The following WASHC3 variants were observed in gnomAD, a reference collection of about 807,000 sequenced individuals.
WASHC3 encodes the protein WASH complex subunit CCDC53.
WASHC3 carries 24 observed loss-of-function variants against 26.1 expected under a neutral mutation model. That is an observed-to-expected ratio of 0.92 (90% CI 0.66 to 1.29). The LOEUF is 1.29. WASHC3 is among the 50% of genes most tolerant of loss of function. WASHC3 has a pLI of 0.00. For missense variants in WASHC3, 214 were observed against 229.6 expected (o/e 0.93, Z 0.44); for synonymous variants, 77 against 75.7 (o/e 1.02, Z -0.09).
At chr12:102,040,038 C>G in intron 4 of WASHC3, 60 bp from the exon 5 acceptor site, 1 of 642,590 alleles carries the variant, frequency 1.6e-6, no homozygotes, top group Non-Finnish European at 2.7e-6. Context: ...TATCATGTTA[C>G]TTAAAAGGAA....
intron 6 of WASHC3, 35 bp downstream of exon 6, chr12:102,025,939 G>A: frequency 2.0e-6 from 2 of 996,190 alleles, no homozygotes; most frequent in South Asian, 1.5e-5. Flanking sequence ...TCAATGTCCT[G>A]GCAATAATAT....
intron 6 of WASHC3, among the ~76,000 whole-genome samples, chr12:102,021,303 C>G (rs1004923871): frequency 6.6e-6 from 1 of 152,084 alleles, no homozygotes; most frequent in Non-Finnish European, 1.5e-5. Flanking sequence ...TAGGTAGACT[C>G]CTGCAACCAG....
intron 6 of WASHC3, among the ~76,000 whole-genome samples, chr12:102,013,712 G>C (rs1041458633): frequency 2.0e-4 from 30 of 152,168 alleles, no homozygotes; most frequent in African/African-American, 5.6e-4. Context: ...GTCGAAGAAG[G>C]TTCTTAATGT....
chr12:102,049,129 G>T (rs1454793935), intron 2 of WASHC3, among the ~76,000 whole-genome samples: 1 of 152,172 alleles, frequency 6.6e-6, no homozygotes, highest in Admixed American at 6.5e-5. Context: ...ATTGACATTT[G>T]TGGGTGAAAT....
chr12:102,056,879 A>G (rs1878613595), intron 2 of WASHC3, among the ~76,000 whole-genome samples: 1 of 152,210 alleles, frequency 6.6e-6, no homozygotes, highest in African/African-American at 2.4e-5. Flanking sequence ...CTCTTCCAAA[A>G]TACTGAAGAG....
intron 5 of WASHC3, among the ~76,000 whole-genome samples, chr12:102,026,554 C>T (rs1003769012): frequency 9.2e-5 from 14 of 152,164 alleles, no homozygotes; most frequent in African/African-American, 3.1e-4. Flanking sequence ...GACTATATTA[C>T]ACATCTTCCC....
At chr12:102,041,184 T>C (rs181192218) in intron 4 of WASHC3, among the ~76,000 whole-genome samples, 1 of 151,850 alleles carries the variant, frequency 6.6e-6, no homozygotes, top group East Asian at 1.9e-4. Flanking sequence ...ACACTGTTAA[T>C]TAAATAAAAA....
chr12:102,033,751 T>C (rs1396127849), intron 5 of WASHC3, among the ~76,000 whole-genome samples: 1 of 151,948 alleles, frequency 6.6e-6, no homozygotes, highest in African/African-American at 2.4e-5. Context: ...AGAGTTTTTT[T>C]TTTTGAGACT....
chr12:102,021,376 AC>A (rs1876951376), intron 6 of WASHC3, among the ~76,000 whole-genome samples: 1 of 152,176 alleles, frequency 6.6e-6, no homozygotes, highest in African/African-American at 2.4e-5. Context: ...GGTAGGATGG[AC>A]TTTTGCTCTT....
At chr12:102,030,349 C>T (rs1157235180) in intron 5 of WASHC3, among the ~76,000 whole-genome samples, 1 of 149,256 alleles carries the variant, frequency 6.7e-6, no homozygotes, top group African/African-American at 2.5e-5. Flanking sequence ...GTAGGATGTA[C>T]ATTTAGGATG....
Position 102,044,108 on chromosome 12 carries a change from TG to T in WASHC3, c.320del (p.Pro107HisfsTer22). The T allele has an allele frequency of 6.4e-7, 1 of 1,567,738 alleles. No individual in the cohort carries two copies. Among genetic ancestry groups the T allele is most frequent in the South Asian group, 1.1e-5 (1 of 87,958 alleles). ...GAHPEATSEQ[P>X]QQNSTQDSGL... ...TCGTTTCTTAGAACTCACTTACCTG[TG>T]GTTGCTCTGAAGTGGCTTCAGGATG... On this transcript the variant is annotated frameshift_variant, in exon 4 of 7. Coordinates refer to ENST00000240079, the MANE Select transcript of WASHC3 (RefSeq NM_016053.4). LOFTEE classifies it high-confidence loss of function.
At chr12:102,027,339 T>C (rs907452030) in intron 5 of WASHC3, among the ~76,000 whole-genome samples, 3 of 152,164 alleles carry the variant, frequency 2.0e-5, no homozygotes, top group African/African-American at 7.2e-5. Context: ...AGTATATGCT[T>C]GTCCAGATAT....
At chr12:102,020,059 G>C (rs1015910252) in intron 6 of WASHC3, among the ~76,000 whole-genome samples, 5 of 152,226 alleles carry the variant, frequency 3.3e-5, no homozygotes, top group African/African-American at 9.7e-5. Context: ...CCCTTGGAGA[G>C]AGAGAGAGAT....
intron 6 of WASHC3, among the ~76,000 whole-genome samples, chr12:102,021,107 CA>C (rs1876938871): frequency 6.6e-6 from 1 of 151,764 alleles, no homozygotes; most frequent in Non-Finnish European, 1.5e-5. Flanking sequence ...AAAACAAAAA[CA>C]AAAAACAAAC....
chr12:102,034,801 TGTGTGTGTGTGTGTGA>T (rs1278151906), intron 5 of WASHC3, among the ~76,000 whole-genome samples: 1 of 151,722 alleles, frequency 6.6e-6, no homozygotes, highest in Non-Finnish European at 1.5e-5. Flanking sequence ...TGTGTGTGTG[TGTGTGTGTGTGTGTGA>T]GTATGTAAAT....
chr12:102,017,026 T>C (rs1187189358), intron 6 of WASHC3, among the ~76,000 whole-genome samples: 1 of 152,204 alleles, frequency 6.6e-6, no homozygotes, highest in Non-Finnish European at 1.5e-5. Flanking sequence ...ATTCACTCAC[T>C]AGGTGACCAG....
chr12:102,036,928 T>C (rs1437003060), intron 5 of WASHC3, among the ~76,000 whole-genome samples: 1 of 152,176 alleles, frequency 6.6e-6, no homozygotes, highest in African/African-American at 2.4e-5. Context: ...AGTTAAGGCT[T>C]TTTAAAAATA....
chr12:102,031,462 T>C (rs1877434644), intron 5 of WASHC3, among the ~76,000 whole-genome samples: 1 of 152,230 alleles, frequency 6.6e-6, no homozygotes, highest in Non-Finnish European at 1.5e-5. Context: ...TTCTTTCTTT[T>C]AGTTGTAGTC....
intron 5 of WASHC3, among the ~76,000 whole-genome samples, chr12:102,034,252 G>A (rs1323776550): frequency 6.6e-6 from 1 of 152,016 alleles, no homozygotes; most frequent in Non-Finnish European, 1.5e-5. Flanking sequence ...ACAGAAAATA[G>A]GAAGGCATAT....
Sources: allele counts gnomAD v4.1 joint callset (sites outside exome capture counted in the v4.1 genomes callset), GRCh38; gene constraint gnomAD v4.1.1; transcripts MANE v1.5; gene names NCBI Gene and HGNC (gene_info 2026-07-23, HGNC 2026-07-21).